SPATA9: variants seen among roughly 807,000 people sequenced by gnomAD.
The protein encoded by SPATA9 is spermatogenesis-associated protein 9.
A neutral mutation model predicts 25.5 loss-of-function variants in SPATA9; 27 were observed. The observed-to-expected ratio is 1.06, with a 90% confidence interval of 0.78 to 1.46. The LOEUF (loss-of-function observed/expected upper bound fraction) is 1.46. SPATA9 is among the 40% of genes most tolerant of loss of function. The pLI, the probability that SPATA9 is intolerant of heterozygous loss-of-function variation, is 0.00. For synonymous variants in SPATA9, 102 were observed against 105.7 expected (o/e 0.97, Z 0.21); for missense variants, 282 against 297.5 (o/e 0.95, Z 0.38).
intron 1 of SPATA9, among the ~76,000 whole-genome samples, chr5:95,690,001 C>G (rs1025581822): frequency 6.6e-6 from 1 of 152,032 alleles, no homozygotes; most frequent in Admixed American, 6.6e-5. Flanking sequence ...TACATAGACA[C>G]ATAGAGGGGA....
chr5:95,700,492 G>T (rs1292773201), upstream of SPATA9, among the ~76,000 whole-genome samples: 1 of 152,130 alleles, frequency 6.6e-6, no homozygotes, highest in African/African-American at 2.4e-5. Context: ...TAGAGACAGG[G>T]TTTCACCACG....
upstream of SPATA9, among the ~76,000 whole-genome samples, chr5:95,687,382 T>G (rs781655811): frequency 1.1e-4 from 17 of 152,210 alleles, no homozygotes; most frequent in Admixed American, 2.0e-4. Context: ...CTAATAAGAA[T>G]TTGAAGCCTT....
intron 1 of SPATA9, among the ~76,000 whole-genome samples, chr5:95,690,098 G>A (rs1452015684): frequency 6.6e-6 from 1 of 151,726 alleles, no homozygotes; most frequent in African/African-American, 2.4e-5. Flanking sequence ...TTAATACCTG[G>A]GTAATGAAAT....
intron 2 of SPATA9, among the ~76,000 whole-genome samples, chr5:95,677,770 A>G (rs1293986513): frequency 2.0e-5 from 3 of 152,182 alleles, no homozygotes; most frequent in Admixed American, 6.5e-5. Context: ...AGATAACAGA[A>G]AAAAGATATA....
upstream of SPATA9, among the ~76,000 whole-genome samples, chr5:95,702,200 T>C (rs1561423511): frequency 2.3e-5 from 3 of 132,370 alleles, no homozygotes; most frequent in Admixed American, 7.8e-5. Flanking sequence ...TAAAAAAAAA[T>C]TATGGCAAAA....
chr5:95,683,085 T>C, upstream of SPATA9: 1 of 1,075,428 alleles, frequency 9.3e-7, no homozygotes, highest in Non-Finnish European at 1.2e-6. Flanking sequence ...AGGAGTGTGT[T>C]TGGAGGCATA....
the SPATA9 span, among the ~76,000 whole-genome samples, chr5:95,715,113 C>T: frequency 6.6e-6 from 1 of 152,100 alleles, no homozygotes; most frequent in East Asian, 1.9e-4. Context: ...TTCACGAGGT[C>T]AGGAGATCAA....
chr5:95,727,176 G>A, the SPATA9 span, among the ~76,000 whole-genome samples: 1 of 152,158 alleles, frequency 6.6e-6, no homozygotes, highest in Non-Finnish European at 1.5e-5. Context: ...AGACTGCTCT[G>A]ATTGGCTTTA....
rs538125731 is a variant in SPATA9, at chr5:95,675,550, G to A, written c.240C>T (p.Asn80=). ...CTGATTTGGAGGATCTGGATATGCT[G>A]TTTAATCCACGAATTAATGTTGCTC... ...INRATLIRGL[N]SISRSSKSVA... Residue 80 remains asparagine (N), a synonymous_variant, in exon 3 of 5, where the codon AAC becomes AAT. Transcript: ENST00000274432. The A allele has an allele frequency of 1.1e-5, 17 of 1,614,150 alleles. 1 individual carries two copies. In the South Asian group the frequency reaches 1.3e-4, roughly 13 times the overall value.
chr5:95,731,230 AC>A, the SPATA9 span: 3 of 1,002,156 alleles, frequency 3.0e-6, no homozygotes, highest in Non-Finnish European at 2.4e-6. Context: ...CATCCGCCCG[AC>A]CCCCGGGGCT....
intron 2 of SPATA9, among the ~76,000 whole-genome samples, 180 bp from the exon 3 acceptor site, chr5:95,675,819 CTTTTTTTTT>C (rs33943918): frequency 9.3e-6 from 1 of 108,028 alleles, no homozygotes. Context: ...GTACTTAAAC[CTTTTTTTTT>C]TTTTTTTTTT....
the SPATA9 span, among the ~76,000 whole-genome samples, chr5:95,711,133 C>T: frequency 6.6e-6 from 1 of 152,112 alleles, no homozygotes; most frequent in South Asian, 2.1e-4. Flanking sequence ...CCCTTAATAC[C>T]CGTGAGGAGA....
At chr5:95,679,441 G>T (rs1375015553) in intron 2 of SPATA9, among the ~76,000 whole-genome samples, 1 of 152,148 alleles carries the variant, frequency 6.6e-6, no homozygotes, top group Non-Finnish European at 1.5e-5. Flanking sequence ...GGATGCCAAG[G>T]CTAAGATACA....
At chr5:95,663,875 A>G (rs1720466514) in intron 4 of SPATA9, 78 bp downstream of exon 4, 13 of 706,990 alleles carry the variant, frequency 1.8e-5, no homozygotes, top group Non-Finnish European at 2.2e-6. Flanking sequence ...ATTGTACAGT[A>G]TACTATTGCA....
chr5:95,731,542 G>A, the SPATA9 span: 3 of 1,412,786 alleles, frequency 2.1e-6, no homozygotes, highest in South Asian at 4.7e-5. Flanking sequence ...GCTCTGCGTC[G>A]GCCCCGCCGC....
chr5:95,655,170 AT>A (rs138116395), downstream of SPATA9, among the ~76,000 whole-genome samples: 392 of 152,080 alleles, frequency 2.6e-3, 2 homozygotes, highest in African/African-American at 8.7e-3. Context: ...TATTTTTTCT[AT>A]TTTTTCCCAT....
chr5:95,731,873 T>C, the SPATA9 span: 1 of 1,612,994 alleles, frequency 6.2e-7, no homozygotes, highest in Non-Finnish European at 8.5e-7. Context: ...ATCCACATCG[T>C]GGCGCTGGGG....
Position 95,675,598 on chromosome 5 carries a change from A to C in SPATA9, c.192T>G (p.Ala64=). 2 of 1,614,066 alleles carry C rather than the reference A, an allele frequency of 1.2e-6. No homozygotes were observed. The highest frequency in any genetic ancestry group is 1.6e-4 in the Middle Eastern group (1 of 6,084). ...PAQKTSKIRM[A]IALAKINRAT... ...CTCGATTAATCTTAGCTAAAGCAAT[A>C]GCCATCCTGATTTTGGATGTTTTCT... Residue 64 remains alanine (A), a synonymous_variant, in exon 3 of 5, where the codon GCT becomes GCG. Transcript: ENST00000274432.
chr5:95,683,695 G>A (rs13354350), upstream of SPATA9, among the ~76,000 whole-genome samples: 20,825 of 151,882 alleles, frequency 0.14, 1,546 homozygotes, highest in Middle Eastern at 0.22. Context: ...CCACCACCAC[G>A]CCTGGCTAAC....
Sources: gnomAD v4.1 joint callset for allele counts (sites outside exome capture counted in the v4.1 genomes callset) on GRCh38, gnomAD v4.1.1 for gene constraint, MANE v1.5 for transcripts, NCBI Gene and HGNC (gene_info 2026-07-23, HGNC 2026-07-21) for gene names.